HS2ST1: variants seen among roughly 807,000 people sequenced by gnomAD.
HS2ST1 encodes the protein 2-O-sulfotransferase.
Under a neutral mutation model 42.9 loss-of-function variants are expected in HS2ST1, and 18 were observed. The ratio of observed to expected loss-of-function variants is 0.42; its 90% confidence interval spans 0.29 to 0.62. The LOEUF is 0.62. Ranked by LOEUF, HS2ST1 falls within the 20% of genes least tolerant of loss-of-function variation. The probability of loss-of-function intolerance (pLI) is 0.21; values close to 1 mark genes in which losing one functional copy is unlikely to be tolerated. For missense variants in HS2ST1, 334 were observed against 433.8 expected (o/e 0.77, Z 2.04); for synonymous variants, 146 against 152.9 (o/e 0.95, Z 0.33).
intron 1 of HS2ST1, among the ~76,000 whole-genome samples, chr1:86,968,516 C>T (rs1038742221): frequency 2.0e-5 from 3 of 151,946 alleles, no homozygotes; most frequent in African/African-American, 7.3e-5. Context: ...GTGATTCTCC[C>T]ACCTCAGCCT....
intron 1 of HS2ST1, among the ~76,000 whole-genome samples, chr1:86,915,860 G>C (rs1358442234): frequency 2.0e-5 from 3 of 152,208 alleles, no homozygotes; most frequent in African/African-American, 7.2e-5. Context: ...CTTGAGAATA[G>C]GGATGCCTAT....
chr1:87,047,891 C>T lies in HS2ST1; in HGVS notation c.125-25043C>T, dbSNP rs571118726. 4.1e-4 allele frequency among the ~76,000 whole-genome samples: 62 copies of T among 152,144 alleles called. No individual in the cohort carries two copies. In the South Asian group the frequency reaches 0.013, roughly 32 times the overall value. Reference sequence around the variant, plus strand: ...TTGAGATAAAGTGGTGTAAATCCTTCAATTTTCTTATTTTTCAATTTGTTT... The same window carrying T: ...TTGAGATAAAGTGGTGTAAATCCTTTAATTTTCTTATTTTTCAATTTGTTT... On this transcript the variant is annotated intron_variant, in intron 1 of 6. Coordinates refer to ENST00000370550, the MANE Select transcript of HS2ST1 (RefSeq NM_012262.4).
intron 1 of HS2ST1, among the ~76,000 whole-genome samples, chr1:87,035,807 G>A (rs1297110267): frequency 6.6e-6 from 1 of 151,312 alleles, no homozygotes; most frequent in Non-Finnish European, 1.5e-5. Context: ...CAGAGAAGAC[G>A]AAAGACTTTT....
chr1:87,088,707 A>G (rs758973715), intron 3 of HS2ST1, among the ~76,000 whole-genome samples: 1 of 152,098 alleles, frequency 6.6e-6, no homozygotes, highest in Non-Finnish European at 1.5e-5. Context: ...TATCCTCACT[A>G]GCATTTGAAA....
At chr1:87,103,013 C>T (rs1053754992) in intron 5 of HS2ST1, among the ~76,000 whole-genome samples, 3 of 152,178 alleles carry the variant, frequency 2.0e-5, no homozygotes, top group East Asian at 1.9e-4. Context: ...AAACACTTAG[C>T]TCACAAAAAC....
At chr1:86,938,598 C>G (rs368067263) in intron 1 of HS2ST1, among the ~76,000 whole-genome samples, 10 of 152,060 alleles carry the variant, frequency 6.6e-5, no homozygotes, top group African/African-American at 2.4e-4. Context: ...TATAACTTCT[C>G]TTTTTTGGCT....
chr1:87,092,473 G>T, intron 3 of HS2ST1, 58 bp from the exon 4 acceptor site: 2 of 1,168,616 alleles, frequency 1.7e-6, no homozygotes, highest in Non-Finnish European at 2.3e-6. Context: ...TAATTTCAGG[G>T]CACTCCTAAA....
chr1:87,060,003 T>C (rs1170723080), intron 1 of HS2ST1, among the ~76,000 whole-genome samples: 1 of 152,178 alleles, frequency 6.6e-6, no homozygotes, highest in African/African-American at 2.4e-5. Context: ...GTAAAACCTT[T>C]GTATGTTGTG....
rs1406658529 is a variant in HS2ST1 at position 87,083,467 on chromosome 1, A to G, written c.364-727A>G. On this transcript the variant is annotated intron_variant, in intron 2 of 6. Transcript: ENST00000370550. Reference sequence around the variant, plus strand: ...AAAATGTATACCATTTTCCATTGAGAAATTGTATATCACTGCTTTGCAGCT... The same window carrying G: ...AAAATGTATACCATTTTCCATTGAGGAATTGTATATCACTGCTTTGCAGCT... Among the ~76,000 whole-genome samples, 3 of 152,314 alleles carry G rather than the reference A, an allele frequency of 2.0e-5. No individual in the cohort carries two copies. In the East Asian group the frequency reaches 5.8e-4, roughly 29 times the overall value.
At chr1:87,075,527 A>G (rs1349975857) in intron 2 of HS2ST1, among the ~76,000 whole-genome samples, 1 of 152,146 alleles carries the variant, frequency 6.6e-6, no homozygotes, top group African/African-American at 2.4e-5. Context: ...GTTTCTAATC[A>G]AGTACAACTT....
At chr1:87,058,577 A>G (rs539668734) in intron 1 of HS2ST1, among the ~76,000 whole-genome samples, 1 of 151,544 alleles carries the variant, frequency 6.6e-6, no homozygotes, top group Non-Finnish European at 1.5e-5. Flanking sequence ...CAAATTTCTT[A>G]GGAACTGTTC....
At chr1:86,928,502 C>G (rs1243883879) in intron 1 of HS2ST1, among the ~76,000 whole-genome samples, 1 of 151,768 alleles carries the variant, frequency 6.6e-6, no homozygotes, top group Non-Finnish European at 1.5e-5. Flanking sequence ...CCTCCAATTG[C>G]CAGTATTTTT....
intron 1 of HS2ST1, among the ~76,000 whole-genome samples, chr1:86,986,737 C>T (rs1446085422): frequency 1.3e-5 from 2 of 152,072 alleles, no homozygotes; most frequent in African/African-American, 4.8e-5. Context: ...CTGGTTAAGG[C>T]AAGAAAATGG....
At chr1:87,100,455 C>T (rs751387247) in intron 5 of HS2ST1, among the ~76,000 whole-genome samples, 1 of 152,152 alleles carries the variant, frequency 6.6e-6, no homozygotes, top group East Asian at 1.9e-4. Flanking sequence ...ATTCTTCCCC[C>T]CAAGGCTTCT....
intron 1 of HS2ST1, among the ~76,000 whole-genome samples, chr1:86,945,921 A>G (rs1377582292): frequency 6.6e-6 from 1 of 152,180 alleles, no homozygotes; most frequent in Non-Finnish European, 1.5e-5. Flanking sequence ...TAAAAATAAA[A>G]TAACCTTTAT....
At chr1:86,942,876 A>G (rs1660792084) in intron 1 of HS2ST1, among the ~76,000 whole-genome samples, 1 of 152,060 alleles carries the variant, frequency 6.6e-6, no homozygotes, top group African/African-American at 2.4e-5. Context: ...TGATTCCTTT[A>G]TATTTTTATA....
At chr1:86,928,276 G>C (rs1660464012) in intron 1 of HS2ST1, among the ~76,000 whole-genome samples, 1 of 151,948 alleles carries the variant, frequency 6.6e-6, no homozygotes, top group Non-Finnish European at 1.5e-5. Context: ...ATATAGGCAG[G>C]AATATTAGAG....
At chr1:87,062,708 A>T (rs2100624591) in intron 1 of HS2ST1, among the ~76,000 whole-genome samples, 1 of 152,126 alleles carries the variant, frequency 6.6e-6, no homozygotes, top group Non-Finnish European at 1.5e-5. Flanking sequence ...GAGTTTTTTT[A>T]GCCAGTCTTT....
At chr1:87,061,739 G>A (rs904628078) in intron 1 of HS2ST1, among the ~76,000 whole-genome samples, 3 of 151,856 alleles carry the variant, frequency 2.0e-5, no homozygotes, top group Admixed American at 6.6e-5. Flanking sequence ...CAGTTCTCTG[G>A]GGTGGTATAT....
Sources: gnomAD v4.1 joint callset for allele counts (sites outside exome capture counted in the v4.1 genomes callset) on GRCh38, gnomAD v4.1.1 for gene constraint, MANE v1.5 for transcripts, NCBI Gene and HGNC (gene_info 2026-07-23, HGNC 2026-07-21) for gene names.